Variants in NLK observed in about 807,000 individuals in gnomAD.
NLK encodes serine/threonine-protein kinase NLK.
A neutral mutation model predicts 59.0 loss-of-function variants in NLK; 11 were observed. The ratio of observed to expected loss-of-function variants is 0.19; its 90% confidence interval spans 0.12 to 0.31. The LOEUF (loss-of-function observed/expected upper bound fraction) is 0.31. NLK is among the 10% of genes least tolerant of loss of function. NLK has a pLI of 1.00. For missense variants in NLK, 410 were observed against 661.1 expected (o/e 0.62, Z 4.16); for synonymous variants, 235 against 235.9 (o/e 1.00, Z 0.03).
intron 1 of NLK, among the ~76,000 whole-genome samples, chr17:28,073,420 A>G (rs1910071971): frequency 6.6e-6 from 1 of 152,218 alleles, no homozygotes; most frequent in African/African-American, 2.4e-5. Flanking sequence ...CAGTAACTCC[A>G]GGGAAAACTG....
At chr17:28,132,874 C>T (rs1906578130) in intron 3 of NLK, among the ~76,000 whole-genome samples, 199 bp downstream of exon 3, 1 of 152,082 alleles carries the variant, frequency 6.6e-6, no homozygotes, top group Non-Finnish European at 1.5e-5. Flanking sequence ...TGTGGTGATG[C>T]CACAGAACAG....
At chr17:28,183,927 T>C (rs1909014638) in intron 7 of NLK, among the ~76,000 whole-genome samples, 1 of 152,248 alleles carries the variant, frequency 6.6e-6, no homozygotes, top group Non-Finnish European at 1.5e-5. Flanking sequence ...TCCTTAATTC[T>C]GCCTTTTTTA....
downstream of NLK, among the ~76,000 whole-genome samples, chr17:28,199,696 A>AC (rs1567745797): frequency 1.9e-4 from 4 of 20,902 alleles, no homozygotes; most frequent in Admixed American, 8.1e-4. Flanking sequence ...AAAACAAAAC[A>AC]AAAAAAAAAA....
chr17:28,118,980 C>A (rs1204437956), intron 1 of NLK, among the ~76,000 whole-genome samples: 1 of 151,996 alleles, frequency 6.6e-6, no homozygotes, highest in Non-Finnish European at 1.5e-5. Context: ...AAGTAACTGC[C>A]CTAGAATTGT....
the NLK span, among the ~76,000 whole-genome samples, chr17:28,203,923 G>A: frequency 3.9e-5 from 6 of 152,172 alleles, no homozygotes; most frequent in Non-Finnish European, 7.3e-5. Context: ...GAGAAAATGA[G>A]AAACTTGCTT....
At chr17:28,129,931 A>G (rs1403303253) in intron 2 of NLK, among the ~76,000 whole-genome samples, 2 of 152,244 alleles carry the variant, frequency 1.3e-5, no homozygotes, top group Non-Finnish European at 1.5e-5. Context: ...AGCAGCTAAC[A>G]TAATGAGCTT....
At chr17:28,178,577 A>G (rs1276671407) in intron 7 of NLK, among the ~76,000 whole-genome samples, 2 of 152,212 alleles carry the variant, frequency 1.3e-5, no homozygotes, top group African/African-American at 4.8e-5. Flanking sequence ...TTCTTCTCTT[A>G]TAATTAGGTT....
rs564706272 is a variant in NLK, at chr17:28,158,090, G to A, written c.645-3070G>A. On this transcript the variant is annotated intron_variant, in intron 3 of 10. Coordinates refer to ENST00000407008, the MANE Select transcript of NLK (RefSeq NM_016231.5). Reference sequence around the variant, plus strand: ...AGAAGAAAAAGTAAAGCTGTGCAAGGTGATAGCAAATGGATAGGGAGTACA... The same window carrying A: ...AGAAGAAAAAGTAAAGCTGTGCAAGATGATAGCAAATGGATAGGGAGTACA... Among the ~76,000 whole-genome samples, 4 of 152,264 alleles carry A rather than the reference G, an allele frequency of 2.6e-5. No individual in the cohort carries two copies. The South Asian group carries it at 8.3e-4, about 32-fold the overall frequency.
chr17:28,201,063 TTC>T (rs1909616349), downstream of NLK, among the ~76,000 whole-genome samples: 1 of 152,208 alleles, frequency 6.6e-6, no homozygotes, highest in Non-Finnish European at 1.5e-5. Flanking sequence ...CTGTCTGTAA[TTC>T]TGTCATTTCA....
chr17:28,146,355 T>C (rs1343038572), intron 3 of NLK, among the ~76,000 whole-genome samples: 1 of 150,722 alleles, frequency 6.6e-6, no homozygotes, highest in Non-Finnish European at 1.5e-5. Context: ...AAAAAACTCA[T>C]TTCCCCTCCT....
At chr17:28,123,677 C>T (rs1906168412) in intron 2 of NLK, among the ~76,000 whole-genome samples, 1 of 152,052 alleles carries the variant, frequency 6.6e-6, no homozygotes, top group Admixed American at 6.6e-5. Flanking sequence ...AAAAACAGTA[C>T]ATCCCTTAAG....
intron 2 of NLK, among the ~76,000 whole-genome samples, chr17:28,124,525 T>TAA (rs911220385): frequency 6.6e-6 from 1 of 150,822 alleles, no homozygotes; most frequent in East Asian, 2.0e-4. Context: ...ACTCCATCTC[T>TAA]AAAAAAAAAC....
chr17:28,059,222 A>C (rs1597657103), intron 1 of NLK, among the ~76,000 whole-genome samples: 1 of 152,048 alleles, frequency 6.6e-6, no homozygotes, highest in Non-Finnish European at 1.5e-5. Context: ...ATGAGAGGAC[A>C]CTTGTTATTA....
At chr17:28,045,879 A>G (rs1037258796) in intron 1 of NLK, among the ~76,000 whole-genome samples, 1 of 152,230 alleles carries the variant, frequency 6.6e-6, no homozygotes, top group Non-Finnish European at 1.5e-5. Context: ...ACTTTTTTCT[A>G]AAATGATTAT....
chr17:28,128,358 C>T (rs1906376017), intron 2 of NLK, among the ~76,000 whole-genome samples: 1 of 151,922 alleles, frequency 6.6e-6, no homozygotes, highest in Non-Finnish European at 1.5e-5. Context: ...AATACTTGTT[C>T]CCATAAAATA....
At chr17:28,101,595 A>G (rs1904904603) in intron 1 of NLK, among the ~76,000 whole-genome samples, 1 of 152,134 alleles carries the variant, frequency 6.6e-6, no homozygotes, top group Non-Finnish European at 1.5e-5. Context: ...ATTCAAAGCT[A>G]GTATGTAGAG....
chr17:28,050,422 A>G (rs1909208162), intron 1 of NLK, among the ~76,000 whole-genome samples: 1 of 152,198 alleles, frequency 6.6e-6, no homozygotes. Context: ...TTTTATTAAT[A>G]AAGCATATGT....
chr17:28,098,898 T>G (rs1243088255), intron 1 of NLK, among the ~76,000 whole-genome samples: 1 of 152,036 alleles, frequency 6.6e-6, no homozygotes, highest in Non-Finnish European at 1.5e-5. Flanking sequence ...GTCAGGCTGG[T>G]CTTGAACTCC....
At chr17:28,148,246 C>G (rs1250912157) in intron 3 of NLK, among the ~76,000 whole-genome samples, 1 of 151,926 alleles carries the variant, frequency 6.6e-6, no homozygotes, top group East Asian at 1.9e-4. Context: ...CTGCCCCCAC[C>G]CCCCCACAAA....
Sources: allele counts gnomAD v4.1 joint callset (sites outside exome capture counted in the v4.1 genomes callset), GRCh38; gene constraint gnomAD v4.1.1; transcripts MANE v1.5; gene names NCBI Gene and HGNC (gene_info 2026-07-23, HGNC 2026-07-21).